LRP5: variants seen among roughly 807,000 people sequenced by gnomAD.
LRP5 encodes the protein LDL receptor related protein 5, also known as low-density lipoprotein receptor-related protein 5.
A neutral mutation model predicts 154.1 loss-of-function variants in LRP5; 62 were observed. That is an observed-to-expected ratio of 0.40 (90% CI 0.33 to 0.50). The LOEUF (loss-of-function observed/expected upper bound fraction) is 0.50. LRP5 is among the 20% of genes least tolerant of loss of function. The pLI is 0.55. For synonymous variants in LRP5, 966 were observed against 1,011.5 expected (o/e 0.96, Z 0.85); for missense variants, 1,915 against 2,336.7 (o/e 0.82, Z 3.72).
At chr11:68,399,202 T>A (rs1024795574) in intron 7 of LRP5, among the ~76,000 whole-genome samples, 2 of 151,930 alleles carry the variant, frequency 1.3e-5, no homozygotes, top group African/African-American at 4.8e-5. Flanking sequence ...AACCTATCTC[T>A]TAAAAATATA....
chr11:68,317,887 G>A (rs571779191), intron 1 of LRP5, among the ~76,000 whole-genome samples: 1 of 152,254 alleles, frequency 6.6e-6, no homozygotes, highest in South Asian at 2.1e-4. Flanking sequence ...ACTGTTCTCT[G>A]TCTCTCGTGC....
chr11:68,441,489 G>A (rs983046975), intron 21 of LRP5, among the ~76,000 whole-genome samples: 3 of 152,158 alleles, frequency 2.0e-5, no homozygotes, highest in African/African-American at 7.2e-5. Context: ...GGAGGCCCCA[G>A]GGCCTGGCTT....
At chr11:68,299,862 C>T in the LRP5 span, among the ~76,000 whole-genome samples, 4 of 149,038 alleles carry the variant, frequency 2.7e-5, no homozygotes, top group Admixed American at 1.3e-4. Context: ...GGATTGCAGG[C>T]GCGAGCCATC....
rs774940861 is a variant in LRP5, at chr11:68,423,680, C to T, written c.3219C>T (p.Val1073=). 3.7e-6 allele frequency: 6 copies of T among 1,612,370 alleles called. No individual in the cohort carries two copies. Among genetic ancestry groups the T allele is most frequent in the East Asian group, 4.5e-5 (2 of 44,890 alleles). ...RGDRDKPRAI[V]VNAERGYLYF... is the part of the protein sequence containing the mutation. ...ACCGCGACAAGCCCAGGGCCATCGT[C>T]GTCAACGCGGAGCGAGGGTAGGAGG... is the stretch of plus-strand genomic sequence containing the variant. Residue 1073 remains valine (V), a synonymous_variant, in exon 14 of 23, where the codon GTC becomes GTT. Transcript: ENST00000294304. This position sits in a 1 kb window ranked among gnomAD's most constrained non-coding sequence, Gnocchi z 4.7.
At chr11:68,339,117 G>A (rs2098607386) in intron 1 of LRP5, among the ~76,000 whole-genome samples, 1 of 151,730 alleles carries the variant, frequency 6.6e-6, no homozygotes, top group Non-Finnish European at 1.5e-5. Flanking sequence ...CAGATGATCT[G>A]CCTGCCTTGG....
chr11:68,340,012 G>A (rs988767592), intron 1 of LRP5, among the ~76,000 whole-genome samples: 7 of 152,222 alleles, frequency 4.6e-5, no homozygotes, highest in Non-Finnish European at 7.4e-5. Flanking sequence ...ATGCCAAGGC[G>A]GGCGGATCAC....
Position 68,425,232 on chromosome 11 carries a change from C to A in LRP5, c.3367C>A (p.Leu1123Met). The A allele has an allele frequency of 6.2e-7, 1 of 1,612,648 alleles. No individual in the cohort carries two copies. The highest frequency in any genetic ancestry group is 8.5e-7 in the Non-Finnish European group (1 of 1,179,996). The change falls in exon 15 of 23, where the codon CTG becomes ATG. Residue 1123 changes from leucine (L) to methionine (M), a missense_variant. By Grantham distance (15) the Leu-to-Met change is conservative (BLOSUM62 2). Coordinates refer to ENST00000294304, the MANE Select transcript of LRP5 (RefSeq NM_002335.4). ...RPVALVVDNT[L>M]GKLFWVDADL... ...TGTGGCCCTGGTGGTGGACAACACA[C>A]TGGGCAAGCTGTTCTGGGTGGACGC...
intron 1 of LRP5, among the ~76,000 whole-genome samples, chr11:68,340,705 G>T (rs1342295159): frequency 6.6e-6 from 1 of 152,016 alleles, no homozygotes; most frequent in Non-Finnish European, 1.5e-5. Flanking sequence ...CCTTTGTGAT[G>T]TACGGTCCTG....
chr11:68,436,309 G>A (rs2098674873), intron 18 of LRP5, among the ~76,000 whole-genome samples: 1 of 152,068 alleles, frequency 6.6e-6, no homozygotes, highest in African/African-American at 2.4e-5. Flanking sequence ...GGCAGGCGTG[G>A]CTATGGCTCC....
chr11:68,420,931 A>G (rs1435695474), intron 13 of LRP5, among the ~76,000 whole-genome samples: 1 of 151,878 alleles, frequency 6.6e-6, no homozygotes, highest in Non-Finnish European at 1.5e-5. Context: ...ACTACATTAA[A>G]ATGAAAGCTC....
chr11:68,448,262 G>A (rs572251375), intron 22 of LRP5, among the ~76,000 whole-genome samples: 2 of 152,304 alleles, frequency 1.3e-5, no homozygotes, highest in East Asian at 3.9e-4. Flanking sequence ...CCCACAGCAC[G>A]TGGGAATTAT....
chr11:68,312,799 G>A lies in LRP5; in HGVS notation c.85G>A (p.Ala29Thr). 1 of 1,075,446 alleles carries A rather than the reference G, an allele frequency of 9.3e-7. No individual in the cohort carries two copies. Among genetic ancestry groups the A allele is most frequent in the South Asian group, 2.9e-5 (1 of 34,286 alleles). The allele number at this position is 1,075,446 out of a possible 1,614,324, so 66.6% of individuals were successfully genotyped here. ...GGCGCTGTGCGGCTGCCCGGCCCCC[G>A]CCGCGGGTAGGTGGGCGCAGGCCGG... ...LLALCGCPAP[A>T]AASPLLLFAN... The change falls in exon 1 of 23, where the codon GCC (alanine) becomes ACC (threonine). Residue 29 changes from alanine (A) to threonine (T), a missense_variant. Transcript: ENST00000294304.
intron 1 of LRP5, among the ~76,000 whole-genome samples, chr11:68,334,693 G>A (rs2098604680): frequency 6.6e-6 from 1 of 152,082 alleles, no homozygotes; most frequent in Admixed American, 6.6e-5. Flanking sequence ...TGGCCAATGT[G>A]GCGAAACTCC....
At chr11:68,333,154 G>A (rs1047205066) in intron 1 of LRP5, among the ~76,000 whole-genome samples, 14 of 152,312 alleles carry the variant, frequency 9.2e-5, no homozygotes, top group African/African-American at 2.4e-4. Flanking sequence ...GGAGAGACGC[G>A]TAGATGTTGA....
intron 21 of LRP5, 119 bp downstream of exon 21, chr11:68,440,035 A>C: frequency 1.2e-6 from 1 of 852,314 alleles, no homozygotes; most frequent in South Asian, 1.8e-5. Context: ...CCTCTGAGGC[A>C]TGCTTGCTTT....
intron 18 of LRP5, 94 bp from the exon 19 acceptor site, chr11:68,436,795 C>T (rs537854846): frequency 5.8e-6 from 5 of 868,470 alleles, no homozygotes; most frequent in East Asian, 4.9e-5. Flanking sequence ...TCTGTCTGCT[C>T]TCTGTTTGGA....
intron 1 of LRP5, among the ~76,000 whole-genome samples, chr11:68,342,178 G>A (rs915105019): frequency 1.3e-5 from 2 of 151,772 alleles, no homozygotes; most frequent in Non-Finnish European, 2.9e-5. Context: ...CTCTCTCCTC[G>A]GAAAGTGCTG....
intron 7 of LRP5, among the ~76,000 whole-genome samples, chr11:68,399,874 T>C (rs1037581734): frequency 6.6e-6 from 1 of 152,200 alleles, no homozygotes; most frequent in African/African-American, 2.4e-5. Context: ...CTTCCTCCAG[T>C]ATTAGAGCAA....
chr11:68,397,827 G>A (rs2098650284), intron 7 of LRP5, among the ~76,000 whole-genome samples: 1 of 152,208 alleles, frequency 6.6e-6, no homozygotes, highest in African/African-American at 2.4e-5. Flanking sequence ...CCCTTTGACA[G>A]GCACCCCTGA....
Sources: gnomAD v4.1 joint callset for allele counts (sites outside exome capture counted in the v4.1 genomes callset) on GRCh38, gnomAD v4.1.1 for gene constraint, Gnocchi (gnomAD v3.1) non-coding constraint, MANE v1.5 for transcripts, NCBI Gene and HGNC (gene_info 2026-07-23, HGNC 2026-07-21) for gene names.